The following ZNF804A variants were observed in gnomAD, a reference collection of about 807,000 sequenced individuals.
The protein encoded by ZNF804A is zinc finger protein 804A.
A neutral mutation model predicts 16.5 loss-of-function variants in ZNF804A; 2 were observed. The ratio of observed to expected loss-of-function variants is 0.12; its 90% CI spans 0.05 to 0.38. The LOEUF (loss-of-function observed/expected upper bound fraction) is 0.38, where lower values mean the gene tolerates loss of function less well. Among genes scored for constraint, ZNF804A ranks in the 10% least tolerant of loss-of-function variants. ZNF804A has a pLI of 0.99. For missense variants in ZNF804A, 1,473 were observed against 1,390.7 expected, an observed-to-expected ratio of 1.06 and a Z score of -0.94; for synonymous variants, 534 against 489.6, an observed-to-expected ratio of 1.09 and a Z score of -1.20.
intron 2 of ZNF804A, among the ~76,000 whole-genome samples, chr2:184,897,778 C>T (rs1685111684): frequency 6.6e-6 from 1 of 152,066 alleles, no homozygotes; most frequent in Non-Finnish European, 1.5e-5. Flanking sequence ...ATTCCTTTAA[C>T]ACACCCCCAT....
chr2:184,934,478 G>A lies in ZNF804A; in HGVS notation c.386+745G>A, dbSNP rs1236448574. On this transcript the variant is annotated intron_variant, in intron 3 of 3. Coordinates refer to ENST00000302277, the MANE Select transcript of ZNF804A (RefSeq NM_194250.2). ...ATGTTATGGGATACGTTGACATATCGAAACATTGTTAGGGATGCCAAATTT... is the reference window on the plus strand; with the variant it reads ...ATGTTATGGGATACGTTGACATATCAAAACATTGTTAGGGATGCCAAATTT... Among the ~76,000 whole-genome samples, 5 of 152,030 alleles carry A rather than the reference G, an allele frequency of 3.3e-5. No individual in the cohort carries two copies. The East Asian group carries it at 5.8e-4, about 18-fold the overall frequency.
At chr2:184,606,856 TACAC>T (rs920934493) in intron 1 of ZNF804A, among the ~76,000 whole-genome samples, 2 of 101,840 alleles carry the variant, frequency 2.0e-5, no homozygotes, top group Non-Finnish European at 4.0e-5. Context: ...CACACACACA[TACAC>T]ACACACACAC....
intron 1 of ZNF804A, among the ~76,000 whole-genome samples, chr2:184,641,292 C>A (rs1340025474): frequency 6.6e-6 from 1 of 152,086 alleles, no homozygotes; most frequent in African/African-American, 2.4e-5. Context: ...TAAAGCTAAA[C>A]AACTGATATA....
intron 1 of ZNF804A, among the ~76,000 whole-genome samples, chr2:184,772,265 C>CAAA (rs71403989): frequency 1.5e-5 from 2 of 132,148 alleles, no homozygotes; most frequent in Admixed American, 7.7e-5. Context: ...TCCCCTTGAC[C>CAAA]AAAAAAAAAA....
chr2:184,616,300 T>G lies in ZNF804A; in HGVS notation c.111+17230T>G, dbSNP rs545663313. Among the ~76,000 whole-genome samples the G allele has an allele frequency of 1.4e-4, 21 of 152,280 alleles. 1 individual carries two copies. Among genetic ancestry groups the G allele is most frequent in the Admixed American group, 1.3e-3 (20 of 15,282 alleles). On this transcript the variant is annotated intron_variant, in intron 1 of 3. Transcript: ENST00000302277. ...TTATTTAACCTCTTTTTGTTTCTGT[T>G]TCTTTGTCTGTAAATAGCAAAAACT...
intron 1 of ZNF804A, among the ~76,000 whole-genome samples, chr2:184,784,632 T>C (rs189996622): frequency 2.2e-4 from 33 of 152,006 alleles, no homozygotes; most frequent in African/African-American, 7.7e-4. Flanking sequence ...AACTGTAGAG[T>C]AGGACAAATT....
In ZNF804A at chr2:184,795,102, C is replaced by A. The variant is rs114291798; in HGVS notation, c.112-71267C>A. On this transcript the variant is annotated intron_variant, in intron 1 of 3. Coordinates refer to ENST00000302277, the MANE Select transcript of ZNF804A (RefSeq NM_194250.2). Reference sequence around the variant, plus strand: ...AGATATTTACAGAACACCTATCCAACAACCACAGAATATACATTCTATTCA... The same window carrying A: ...AGATATTTACAGAACACCTATCCAAAAACCACAGAATATACATTCTATTCA... Among the ~76,000 whole-genome samples, 240 of 152,158 alleles carry A rather than the reference C, an allele frequency of 1.6e-3. 1 individual carries two copies. The highest frequency in any genetic ancestry group is 5.5e-3 in the African/African-American group (230 of 41,516).
At chr2:184,674,054 C>A (rs1692382757) in intron 1 of ZNF804A, among the ~76,000 whole-genome samples, 1 of 151,962 alleles carries the variant, frequency 6.6e-6, no homozygotes, top group Non-Finnish European at 1.5e-5. Context: ...AATGCAGAGA[C>A]ACATTTAAAA....
At chr2:184,884,199 A>G (rs1312784480) in intron 2 of ZNF804A, among the ~76,000 whole-genome samples, 1 of 152,198 alleles carries the variant, frequency 6.6e-6, no homozygotes, top group East Asian at 1.9e-4. Flanking sequence ...AACACAGTTC[A>G]CAATAGCTAC....
intron 2 of ZNF804A, among the ~76,000 whole-genome samples, chr2:184,890,666 T>C (rs1423857577): frequency 6.6e-6 from 1 of 151,950 alleles, no homozygotes; most frequent in African/African-American, 2.4e-5. Flanking sequence ...ATTTACTAAA[T>C]AATGATTAAT....
intron 1 of ZNF804A, among the ~76,000 whole-genome samples, chr2:184,784,224 GCT>G (rs1402987078): frequency 1.3e-5 from 2 of 151,804 alleles, no homozygotes; most frequent in African/African-American, 4.8e-5. Context: ...TCAACTGATG[GCT>G]CTAAGATAAC....
At chr2:184,887,129 C>A (rs1054646552) in intron 2 of ZNF804A, among the ~76,000 whole-genome samples, 2 of 152,212 alleles carry the variant, frequency 1.3e-5, no homozygotes, top group Admixed American at 1.3e-4. Flanking sequence ...CAAATTTCTT[C>A]TGCCACATAC....
intron 2 of ZNF804A, among the ~76,000 whole-genome samples, chr2:184,867,397 T>A (rs1300783097): frequency 2.6e-5 from 4 of 152,156 alleles, no homozygotes; most frequent in Non-Finnish European, 5.9e-5. Flanking sequence ...CTTTCTGTTA[T>A]ATCAGAGTTA....
intron 1 of ZNF804A, among the ~76,000 whole-genome samples, chr2:184,688,020 G>A (rs973999884): frequency 1.3e-5 from 2 of 152,154 alleles, no homozygotes; most frequent in Non-Finnish European, 2.9e-5. Context: ...CCAGGAGGCT[G>A]AGACATGAGA....
rs532138534 is a variant in ZNF804A, at chr2:184,906,555, C to T, written c.256-27048C>T. On this transcript the variant is annotated intron_variant, in intron 2 of 3. Coordinates refer to ENST00000302277, the MANE Select transcript of ZNF804A (RefSeq NM_194250.2). Reference sequence around the variant, plus strand: ...GGCTGAAGAGATCCATCTGCCTCAGCCTCTCAGAGTGCTGGGATTATGGGC... The same window carrying T: ...GGCTGAAGAGATCCATCTGCCTCAGTCTCTCAGAGTGCTGGGATTATGGGC... Among the ~76,000 whole-genome samples, 4 of 152,186 alleles carry T rather than the reference C, an allele frequency of 2.6e-5. No homozygotes were observed. In the South Asian group the frequency reaches 8.3e-4, roughly 32 times the overall value.
chr2:184,636,124 C>T (rs899990527), intron 1 of ZNF804A, among the ~76,000 whole-genome samples: 1 of 151,764 alleles, frequency 6.6e-6, no homozygotes, highest in Non-Finnish European at 1.5e-5. Context: ...TACACGTATA[C>T]CCACTGCATA....
intron 1 of ZNF804A, among the ~76,000 whole-genome samples, chr2:184,644,418 T>C (rs1691841220): frequency 3.3e-5 from 5 of 151,862 alleles, no homozygotes; most frequent in Admixed American, 3.3e-4. Flanking sequence ...TTTTCTTTTC[T>C]AAATATAAGG....
chr2:184,748,847 T>C (rs1391364081), intron 1 of ZNF804A, among the ~76,000 whole-genome samples: 1 of 151,640 alleles, frequency 6.6e-6, no homozygotes, highest in Non-Finnish European at 1.5e-5. Flanking sequence ...TAGGGAGTCC[T>C]TTCCTCATTG....
intron 1 of ZNF804A, among the ~76,000 whole-genome samples, chr2:184,628,921 CTT>C (rs925019761): frequency 6.6e-5 from 10 of 152,120 alleles, no homozygotes; most frequent in African/African-American, 1.2e-4. Context: ...TTTTTACACA[CTT>C]ATATTTTTTG....
Sources: allele counts gnomAD v4.1 joint callset (sites outside exome capture counted in the v4.1 genomes callset), GRCh38; gene constraint gnomAD v4.1.1; transcripts MANE v1.5; gene names NCBI Gene and HGNC (gene_info 2026-07-23, HGNC 2026-07-21).